The following NPR3 variants were observed in gnomAD, a reference collection of about 807,000 sequenced individuals.
NPR3 encodes atrial natriuretic peptide receptor 3.
A neutral mutation model predicts 54.5 loss-of-function variants in NPR3; 34 were observed. The observed-to-expected ratio is 0.62, with a 90% CI of 0.47 to 0.83. NPR3 has a LOEUF of 0.83. Among genes scored for constraint, NPR3 ranks in the 40% least tolerant of loss-of-function variants. The pLI is 0.00. For synonymous variants in NPR3, 289 were observed against 297.1 expected, an observed-to-expected ratio of 0.97 and a Z score of 0.28; for missense variants, 674 against 720.8, an observed-to-expected ratio of 0.94 and a Z score of 0.74.
chr5:32,712,788 C>A (rs969149993), intron 1 of NPR3, among the ~76,000 whole-genome samples: 1 of 152,218 alleles, frequency 6.6e-6, no homozygotes, highest in African/African-American at 2.4e-5. Flanking sequence ...GTAGCTCCTG[C>A]GTGCCCAGGT....
At chr5:32,750,695 C>T (rs539282011) in intron 3 of NPR3, among the ~76,000 whole-genome samples, 3 of 152,024 alleles carry the variant, frequency 2.0e-5, no homozygotes, top group Non-Finnish European at 4.4e-5. Context: ...TTTGAGAGAG[C>T]GAGTGAACAT....
intron 2 of NPR3, among the ~76,000 whole-genome samples, chr5:32,737,351 CA>C (rs756365083): frequency 1.6e-4 from 25 of 152,202 alleles, no homozygotes; most frequent in Non-Finnish European, 3.1e-4. Context: ...CTCACCCTGC[CA>C]ATCTCAGGAC....
intron 1 of NPR3, among the ~76,000 whole-genome samples, chr5:32,703,109 C>T (rs148879317): frequency 6.6e-6 from 1 of 152,142 alleles, no homozygotes; most frequent in African/African-American, 2.4e-5. Flanking sequence ...GTCATCACCA[C>T]TTCAGGATTA....
intron 1 of NPR3, among the ~76,000 whole-genome samples, chr5:32,719,405 T>C (rs1037850812): frequency 1.3e-5 from 2 of 152,240 alleles, no homozygotes; most frequent in African/African-American, 4.8e-5. Flanking sequence ...ATTTTCATCA[T>C]ACCTTTACAC....
At chr5:32,764,575 G>A (rs1182829985) in intron 3 of NPR3, among the ~76,000 whole-genome samples, 2 of 151,902 alleles carry the variant, frequency 1.3e-5, no homozygotes, top group African/African-American at 4.8e-5. Flanking sequence ...ATCACCTGAG[G>A]TCAAAGGTTT....
intron 3 of NPR3, among the ~76,000 whole-genome samples, chr5:32,754,700 G>A (rs1038290652): frequency 6.6e-6 from 1 of 152,004 alleles, no homozygotes. Flanking sequence ...GGGGAGGGGG[G>A]TGCAGAGAGG....
intron 2 of NPR3, among the ~76,000 whole-genome samples, chr5:32,727,818 T>C (rs1739215849): frequency 6.6e-6 from 1 of 152,230 alleles, no homozygotes; most frequent in Non-Finnish European, 1.5e-5. Context: ...GTTTTGATAG[T>C]TGAACATCCT....
chr5:32,728,131 T>C (rs1446069937), intron 2 of NPR3, among the ~76,000 whole-genome samples: 1 of 152,182 alleles, frequency 6.6e-6, no homozygotes, highest in African/African-American at 2.4e-5. Context: ...TAGTGTTTTA[T>C]TTAGGGTTTT....
upstream of NPR3, chr5:32,710,523 C>T (rs1405715899): frequency 4.2e-6 from 4 of 954,556 alleles, no homozygotes; most frequent in South Asian, 5.0e-5. Flanking sequence ...ACAGAGGGTC[C>T]GTGAGCTGGG....
intron 2 of NPR3, among the ~76,000 whole-genome samples, chr5:32,728,833 GTGTGTATATA>G (rs1193166804): frequency 4.7e-5 from 3 of 64,074 alleles, no homozygotes; most frequent in African/African-American, 1.3e-4. Context: ...GTGTGTGTGT[GTGTGTATATA>G]TATATATATA....
At chr5:32,691,992 C>A (rs1740404715) in intron 1 of NPR3, among the ~76,000 whole-genome samples, 1 of 152,108 alleles carries the variant, frequency 6.6e-6, no homozygotes, top group East Asian at 1.9e-4. Flanking sequence ...GACTCTTTTT[C>A]AGGAAATCAG....
At position 32,788,885 on chromosome 5, in the gene NPR3, CA is replaced by C. The variant is rs763183870; in HGVS notation, c.*2545del. 2.0e-5 allele frequency: 3 copies of C among 152,196 alleles called. No homozygotes were observed. The highest frequency in any genetic ancestry group is 4.4e-5 in the Non-Finnish European group (3 of 68,108). The allele number at this position is 152,196 out of a possible 1,614,324, so 9.4% of individuals were successfully genotyped here. A position where few individuals can be genotyped will look rare whatever the true frequency, so the allele number is the denominator to read the frequency against. Reference sequence around the variant, plus strand: ...TTCTTTGAAATCTGCATATGGGTTACAAAAACTCTGTTAGGTTTTGAAAATT... The same window carrying C: ...TTCTTTGAAATCTGCATATGGGTTACAAAACTCTGTTAGGTTTTGAAAATT... On this transcript the variant is annotated 3_prime_UTR_variant, in exon 8 of 8. Transcript: ENST00000265074.
Position 32,712,518 on chromosome 5 carries a change from G to T in NPR3, c.742G>T (p.Val248Leu). 1 of 1,539,078 alleles carries T rather than the reference G, an allele frequency of 6.5e-7. No homozygotes were observed. Among genetic ancestry groups the T allele is most frequent in the Non-Finnish European group, 8.7e-7 (1 of 1,144,890 alleles). ...ETKDLDLEDI[V>L]RNIQASERVV... The stretch of plus-strand genomic sequence containing the variant: ...CAAAGACTTGGATCTGGAAGACATC[G>T]TGCGCAATATCCAGGCCAGTGAGAG... The change falls in exon 1 of 8, where the codon GTG (valine) becomes TTG (leucine). Residue 248 changes from valine (V) to leucine (L), a missense_variant. Physicochemically the swap from Val to Leu is conservative, Grantham distance 32. Transcript: ENST00000265074.
At chr5:32,710,892 A>ATGTGTGTG (rs1172730482), upstream of NPR3, 8 of 850,212 alleles carry the variant, frequency 9.4e-6, no homozygotes, top group Non-Finnish European at 1.3e-5. Context: ...GTGTGTGTGT[A>ATGTGTGTG]TATGTGTGTG....
chr5:32,782,978 T>C lies in NPR3; in HGVS notation c.1376T>C (p.Ile459Thr). The change falls in exon 6 of 8, where the codon ATA (isoleucine) becomes ACA (threonine). Residue 459 changes from isoleucine to threonine, a missense_variant. By Grantham distance (89) the Ile-to-Thr change is moderately conservative. Coordinates refer to ENST00000265074, the MANE Select transcript of NPR3 (RefSeq NM_001204375.2). The stretch of plus-strand genomic sequence containing the variant: ...CCTTGGGGCCCTTTAAAACTGAGAA[T>C]AGATGAAAACCGAATTGTAGAGCAT... ...KYPWGPLKLR[I>T]DENRIVEHTN... 3.1e-6 allele frequency: 5 copies of C among 1,608,364 alleles called. No homozygotes were observed. Among genetic ancestry groups the C allele is most frequent in the Non-Finnish European group, 4.2e-6 (5 of 1,176,750 alleles).
At chr5:32,768,009 T>G (rs115018539) in intron 3 of NPR3, among the ~76,000 whole-genome samples, 1,603 of 152,300 alleles carry the variant, frequency 0.011, 13 homozygotes, top group Middle Eastern at 0.027. Context: ...TCTTCCTGTT[T>G]GTATTGCTGC....
At chr5:32,743,793 G>T (rs1335405752) in intron 3 of NPR3, among the ~76,000 whole-genome samples, 3 of 152,064 alleles carry the variant, frequency 2.0e-5, no homozygotes, top group African/African-American at 7.2e-5. Context: ...TGTGTGTGGT[G>T]TGATAGAAAA....
At chr5:32,731,121 C>T (rs1258963868) in intron 2 of NPR3, among the ~76,000 whole-genome samples, 3 of 152,116 alleles carry the variant, frequency 2.0e-5, no homozygotes, top group South Asian at 2.1e-4. Context: ...AATACCAGTG[C>T]GTAAGAAGCC....
chr5:32,701,069 A>G (rs151063934), intron 1 of NPR3, among the ~76,000 whole-genome samples: 4,500 of 152,174 alleles, frequency 0.03, 100 homozygotes, highest in Non-Finnish European at 0.046. Flanking sequence ...TTATTTCCTG[A>G]CTTTTTAATG....
Sources: gnomAD v4.1 joint callset for allele counts (sites outside exome capture counted in the v4.1 genomes callset) on GRCh38, gnomAD v4.1.1 for gene constraint, MANE v1.5 for transcripts, NCBI Gene and HGNC (gene_info 2026-07-23, HGNC 2026-07-21) for gene names.